The following ZNF717 variants were observed in gnomAD, a reference collection of about 807,000 sequenced individuals.
ZNF717 encodes the protein krueppel-like factor X17.
ZNF717 carries 9 observed loss-of-function variants against 13.8 expected under a neutral mutation model. That is an observed-to-expected ratio of 0.65 (90% CI 0.39 to 1.14). The LOEUF is 1.14. Ranked by LOEUF, ZNF717 falls within the 50% of genes most tolerant of loss-of-function variation. The probability of loss-of-function intolerance (pLI) is 0.01; values close to 1 mark genes in which losing one functional copy is unlikely to be tolerated. For synonymous variants in ZNF717, 327 were observed against 364.1 expected (o/e 0.90, Z 1.16); for missense variants, 1,040 against 1,080.7 (o/e 0.96, Z 0.53).
At chr3:75,767,959 G>A (rs1943611348) in intron 2 of ZNF717, among the ~76,000 whole-genome samples, 1 of 152,102 alleles carries the variant, frequency 6.6e-6, no homozygotes, top group Non-Finnish European at 1.5e-5. Flanking sequence ...AGAGAAAGTT[G>A]GTCAACGGCA....
intron 2 of ZNF717, among the ~76,000 whole-genome samples, chr3:75,755,789 T>C (rs1340076775): frequency 6.6e-6 from 1 of 152,216 alleles, no homozygotes; most frequent in Admixed American, 6.5e-5. Context: ...CAATGAAAAC[T>C]GCAAAGGGCA....
intron 5 of ZNF717, among the ~76,000 whole-genome samples, chr3:75,714,606 C>T (rs1206384902): frequency 5.3e-5 from 8 of 151,852 alleles, no homozygotes; most frequent in African/African-American, 1.5e-4. Context: ...TCTCTTGCCT[C>T]GGCACCTGGG....
downstream of ZNF717, among the ~76,000 whole-genome samples, chr3:75,705,204 A>G (rs1937780156): frequency 5.3e-5 from 8 of 152,270 alleles, no homozygotes; most frequent in Admixed American, 2.0e-4. Context: ...CAGCAGTGTG[A>G]AAATGGACTA....
chr3:75,777,669 A>C (rs1326184133), intron 2 of ZNF717, among the ~76,000 whole-genome samples: 1 of 151,840 alleles, frequency 6.6e-6, no homozygotes, highest in Non-Finnish European at 1.5e-5. Flanking sequence ...AACCCAAAAC[A>C]ATGGGAGTGA....
chr3:75,737,667 A>G lies in ZNF717; in HGVS notation c.1956T>C (p.Cys652=). 2 of 583,064 alleles carry G rather than the reference A, an allele frequency of 3.4e-6. No individual in the cohort carries two copies. Among genetic ancestry groups the G allele is most frequent in the Non-Finnish European group, 4.3e-6 (2 of 462,334 alleles). 36.1% of individuals were successfully genotyped at this position (583,064 alleles called of 1,614,324 possible). The part of the protein sequence containing the change: ...TGEKPYVCNE[C]GKTFHRKSFL... ...ATGACTTGCGATGAAAGGTTTTTCC[A>G]CATTCATTACATACGTAAGGTTTCT... Residue 652 remains cysteine (C), a synonymous_variant, in exon 5 of 5, where the codon TGT becomes TGC. Transcript: ENST00000652011.
chr3:75,728,649 T>C (rs1304180268), downstream of ZNF717, among the ~76,000 whole-genome samples: 1 of 42,020 alleles, frequency 2.4e-5, no homozygotes, highest in African/African-American at 5.6e-5. Context: ...TTTCACTCAT[T>C]GTCTGCTTGC....
intron 2 of ZNF717, among the ~76,000 whole-genome samples, chr3:75,757,763 T>C (rs1019846359): frequency 6.6e-6 from 1 of 152,106 alleles, no homozygotes; most frequent in Non-Finnish European, 1.5e-5. Flanking sequence ...GGATTCACCA[T>C]TCTAGATGCC....
In ZNF717 at chr3:75,737,080, C is replaced by T. The variant is rs1422842530; in HGVS notation, c.2543G>A (p.Arg848Lys). The change falls in exon 5 of 5, where the codon AGG becomes AAG. Residue 848 changes from arginine (R) to lysine (K), a missense_variant. Coordinates refer to ENST00000652011, the MANE Select transcript of ZNF717 (RefSeq NM_001290208.3). ...GCCTGACTTCTGGGAGAAAGTTTTC[C>T]TACATTCATTACATCTAAAGGGTTT... Reference protein sequence around the residue: ...GEKPFRCNECRKTFSQKSGLS... With the variant: ...GEKPFRCNECKKTFSQKSGLS... 9.4e-6 allele frequency: 15 copies of T among 1,591,988 alleles called. No individual in the cohort carries two copies. The highest frequency in any genetic ancestry group is 8.6e-7 in the Non-Finnish European group (1 of 1,169,222).
At chr3:75,785,343 C>G (rs113151295) in intron 1 of ZNF717, 41 bp downstream of exon 1, 528 of 152,070 alleles carry the variant, frequency 3.5e-3, no homozygotes, top group Middle Eastern at 0.01. Context: ...CGGGACCCCA[C>G]GCCTGTCCTC....
intron 4 of ZNF717, among the ~76,000 whole-genome samples, chr3:75,717,576 G>A (rs79437906): frequency 1.3e-5 from 2 of 152,290 alleles, no homozygotes; most frequent in South Asian, 2.1e-4. Context: ...GAAGGGCAGA[G>A]GGTCTTGACA....
intron 6 of ZNF717, among the ~76,000 whole-genome samples, chr3:75,695,234 A>T (rs1459006412): frequency 6.6e-6 from 1 of 152,290 alleles, no homozygotes; most frequent in African/African-American, 2.4e-5. Flanking sequence ...GTAGGAAGAG[A>T]TTAAAAAGGT....
intron 4 of ZNF717, among the ~76,000 whole-genome samples, chr3:75,724,407 C>T (rs1355446276): frequency 2.0e-5 from 3 of 151,288 alleles, no homozygotes; most frequent in African/African-American, 7.3e-5. Flanking sequence ...CATCATCACC[C>T]CTGGCTAATA....
At chr3:75,767,240 C>A (rs1324042804) in intron 2 of ZNF717, among the ~76,000 whole-genome samples, 1 of 152,242 alleles carries the variant, frequency 6.6e-6, no homozygotes, top group Non-Finnish European at 1.5e-5. Context: ...TCCAGCAACA[C>A]CCACTCCCAA....
At chr3:75,764,165 C>T (rs1028394038) in intron 2 of ZNF717, among the ~76,000 whole-genome samples, 8 of 152,188 alleles carry the variant, frequency 5.3e-5, no homozygotes, top group African/African-American at 1.9e-4. Flanking sequence ...TGAGCTCCAG[C>T]CCCAAGCCTG....
At position 75,737,041 on chromosome 3, in the gene ZNF717, T is replaced by C. The variant is rs1939347362; in HGVS notation, c.2582A>G (p.Gln861Arg). ...FSQKSGLSIH[Q>R]RTHTGEKPYE... ...AGGTTTTTCTCCTGTGTGTGTTCTCTGATGTATACTGAGGCCTGACTTCTG... is the reference window on the plus strand; with the variant it reads ...AGGTTTTTCTCCTGTGTGTGTTCTCCGATGTATACTGAGGCCTGACTTCTG... Residue 861 changes from glutamine (Q) to arginine (R), a missense_variant, in exon 5 of 5, where the codon CAG (glutamine) becomes CGG (arginine). Physicochemically the swap from Gln to Arg is conservative, Grantham distance 43. Around this residue, in one of 3 missense-constraint regions of ZNF717, gnomAD observed 44 missense variants for 70.1 expected, o/e 0.63. Coordinates refer to ENST00000652011, the MANE Select transcript of ZNF717 (RefSeq NM_001290208.3). 2.5e-6 allele frequency: 4 copies of C among 1,603,526 alleles called. No individual in the cohort carries two copies. The highest frequency in any genetic ancestry group is 2.7e-5 in the African/African-American group (2 of 74,766).
At chr3:75,729,132 A>C (rs1938369516), downstream of ZNF717, among the ~76,000 whole-genome samples, 1 of 152,124 alleles carries the variant, frequency 6.6e-6, no homozygotes. Context: ...AGGGAGGGTG[A>C]ACAATCAGAT....
downstream of ZNF717, among the ~76,000 whole-genome samples, chr3:75,708,545 T>C (rs1937853352): frequency 6.6e-6 from 1 of 152,076 alleles, no homozygotes; most frequent in East Asian, 1.9e-4. Flanking sequence ...CTGGAAACTC[T>C]AAAAAGCAGA....
At chr3:75,763,316 T>A (rs1433409990) in intron 2 of ZNF717, among the ~76,000 whole-genome samples, 1 of 152,206 alleles carries the variant, frequency 6.6e-6, no homozygotes, top group East Asian at 1.9e-4. Flanking sequence ...TTTTGTAATA[T>A]TTGCATTATT....
Position 75,738,028 on chromosome 3 carries a change from T to A in ZNF717, c.1595A>T (p.Glu532Val), listed in dbSNP as rs1331844277. 7.4e-7 allele frequency: 1 copy of A among 1,343,232 alleles called. No homozygotes were observed. The allele number at this position is 1,343,232 out of a possible 1,614,324, so 83.2% of individuals were successfully genotyped here. A position where few individuals can be genotyped will look rare whatever the true frequency, so the allele number is the denominator to read the frequency against. ...ACATTCGTTACATGCGTATGGTTTT[T>A]CCCCAGCATGAGTTCTCTGATGGAC... Reference protein sequence around the residue: ...LTVHQRTHAGEKPYACNECGK... With the variant: ...LTVHQRTHAGVKPYACNECGK... Residue 532 changes from glutamate (E) to valine (V), a missense_variant, in exon 5 of 5, where the codon GAA (glutamate) becomes GTA (valine). Physicochemically the swap from Glu to Val is moderately radical, Grantham distance 121 (BLOSUM62 -2). Transcript: ENST00000652011.
Sources: gnomAD v4.1 joint callset for allele counts (sites outside exome capture counted in the v4.1 genomes callset) on GRCh38, gnomAD v4.1.1 for gene constraint, gnomAD v4.1.1 regional missense constraint, MANE v1.5 for transcripts, NCBI Gene and HGNC (gene_info 2026-07-23, HGNC 2026-07-21) for gene names.